FAM78B: variants seen among roughly 807,000 people sequenced by gnomAD.
The protein encoded by FAM78B is protein FAM78B.
In FAM78B, 10 loss-of-function variants were observed where a neutral mutation model predicts 20.0. The observed-to-expected ratio is 0.50, with a 90% CI of 0.31 to 0.85. FAM78B has a LOEUF of 0.85. Among genes scored for constraint, FAM78B ranks in the 40% least tolerant of loss-of-function variants. FAM78B has a pLI of 0.05. For missense variants in FAM78B, 283 were observed against 345.0 expected (o/e 0.82, Z 1.42); for synonymous variants, 135 against 132.8 (o/e 1.02, Z -0.12).
At chr1:166,142,334 T>C (rs1655309466) in intron 1 of FAM78B, among the ~76,000 whole-genome samples, 1 of 152,108 alleles carries the variant, frequency 6.6e-6, no homozygotes, top group Admixed American at 6.5e-5. Flanking sequence ...GTGCCCTAAG[T>C]CTTCTGGGTG....
intron 1 of FAM78B, among the ~76,000 whole-genome samples, chr1:166,165,468 T>G (rs1046018766): frequency 6.6e-6 from 1 of 152,162 alleles, no homozygotes; most frequent in Admixed American, 6.5e-5. Flanking sequence ...GGTTCGAAAC[T>G]TCAACAGTCG....
At chr1:166,163,620 G>A (rs1268546595) in intron 1 of FAM78B, among the ~76,000 whole-genome samples, 1 of 152,208 alleles carries the variant, frequency 6.6e-6, no homozygotes, top group Non-Finnish European at 1.5e-5. Context: ...ATTGGCTAAA[G>A]TAGACATAAT....
chr1:166,088,230 A>C (rs956247663), intron 1 of FAM78B, among the ~76,000 whole-genome samples: 11 of 152,168 alleles, frequency 7.2e-5, no homozygotes, highest in African/African-American at 2.7e-4. Context: ...CGCTCTTTAG[A>C]TGTTAAATTG....
chr1:166,104,921 A>G (rs1022935986), intron 1 of FAM78B, among the ~76,000 whole-genome samples: 1 of 152,242 alleles, frequency 6.6e-6, no homozygotes, highest in Non-Finnish European at 1.5e-5. Flanking sequence ...AAAAGAACAA[A>G]GCTGGAGGCA....
intron 1 of FAM78B, among the ~76,000 whole-genome samples, chr1:166,079,398 A>G (rs564652344): frequency 4.6e-5 from 7 of 152,218 alleles, no homozygotes; most frequent in South Asian, 2.1e-4. Flanking sequence ...ATACCTCCAG[A>G]GTCTATTCAG....
chr1:166,163,079 T>C (rs1324761097), intron 1 of FAM78B, among the ~76,000 whole-genome samples: 1 of 152,196 alleles, frequency 6.6e-6, no homozygotes, highest in Non-Finnish European at 1.5e-5. Context: ...ATATTCCTTT[T>C]TCTTTGGTGC....
At chr1:166,067,815 A>G (rs1651857622), downstream of FAM78B, among the ~76,000 whole-genome samples, 2 of 152,150 alleles carry the variant, frequency 1.3e-5, no homozygotes, top group South Asian at 2.1e-4. Flanking sequence ...TTTCATAAGC[A>G]CTTTCCCATT....
At chr1:166,156,447 A>G (rs1172822131) in intron 1 of FAM78B, among the ~76,000 whole-genome samples, 1 of 152,154 alleles carries the variant, frequency 6.6e-6, no homozygotes, top group East Asian at 1.9e-4. Flanking sequence ...TGGACTCAGT[A>G]TGGAGGGCAC....
In FAM78B at chr1:166,069,894, C is replaced by A. The variant is rs1651948528; in HGVS notation, c.*347G>T. 1.3e-6 allele frequency: 1 copy of A among 795,272 alleles called. No individual in the cohort carries two copies. Among genetic ancestry groups the A allele is most frequent in the African/African-American group, 1.8e-5 (1 of 54,064 alleles). The allele number at this position is 795,272 out of a possible 1,614,324, so 49.3% of individuals were successfully genotyped here. A position where few individuals can be genotyped will look rare whatever the true frequency, so the allele number is the denominator to read the frequency against. On this transcript the variant is annotated 3_prime_UTR_variant, in exon 2 of 2. Transcript: ENST00000354422. ...GCTGGGAAGCAGCATTTGCCACAGG[C>A]ACTGTTTAATTTCGTTTCCATCCCC...
In FAM78B at chr1:166,166,240, A is replaced by G; in HGVS notation, c.9T>C (p.Cys3=). Residue 3 remains cysteine, a synonymous_variant, in exon 1 of 2, where the codon TGT becomes TGC. Coordinates refer to ENST00000354422, the MANE Select transcript of FAM78B (RefSeq NM_001017961.5). The part of the protein sequence containing the change: MG[C]IQSITCKARI... ...GCGCCTTGCAGGTGATGCTTTGGAT[A>G]CAGCCCATCCTGCAGCCCGGTGCCG... 6.6e-7 allele frequency: 1 copy of G among 1,506,640 alleles called. No homozygotes were observed. Among genetic ancestry groups the G allele is most frequent in the Non-Finnish European group, 8.9e-7 (1 of 1,122,158 alleles). 93.3% of individuals were successfully genotyped at this position (1,506,640 alleles called of 1,614,324 possible).
At chr1:166,094,371 A>C (rs1022869288) in intron 1 of FAM78B, among the ~76,000 whole-genome samples, 1 of 152,202 alleles carries the variant, frequency 6.6e-6, no homozygotes, top group Non-Finnish European at 1.5e-5. Context: ...CCCGTGCTCC[A>C]TGTAGGGCTC....
At chr1:166,074,928 G>T (rs1005755269) in intron 1 of FAM78B, among the ~76,000 whole-genome samples, 18 of 152,194 alleles carry the variant, frequency 1.2e-4, no homozygotes, top group African/African-American at 4.1e-4. Flanking sequence ...TGAAGGAAAT[G>T]GCATATGAAC....
intron 1 of FAM78B, among the ~76,000 whole-genome samples, chr1:166,131,822 C>A (rs539212806): frequency 6.6e-6 from 1 of 152,146 alleles, no homozygotes. Context: ...AAGACCCCAG[C>A]GGCAGGGCTG....
downstream of FAM78B, among the ~76,000 whole-genome samples, chr1:166,056,285 TAGAG>T (rs756989334): frequency 7.6e-5 from 11 of 144,598 alleles, no homozygotes; most frequent in Non-Finnish European, 1.4e-4. Context: ...TGTGCGTGTG[TAGAG>T]AGAGAGAGAG....
intron 1 of FAM78B, among the ~76,000 whole-genome samples, chr1:166,118,265 G>A (rs1654331212): frequency 6.6e-6 from 1 of 152,088 alleles, no homozygotes; most frequent in Non-Finnish European, 1.5e-5. Flanking sequence ...GGAACTTGTC[G>A]AGGAGCTTTC....
At chr1:166,094,871 G>A (rs560304620) in intron 1 of FAM78B, among the ~76,000 whole-genome samples, 121 of 152,290 alleles carry the variant, frequency 7.9e-4, no homozygotes, top group Non-Finnish European at 1.5e-3. Context: ...ATGCTGGAGG[G>A]TTTAGAGCAT....
chr1:166,063,975 T>C (rs1651707655), intron 2 of FAM78B, among the ~76,000 whole-genome samples: 1 of 152,188 alleles, frequency 6.6e-6, no homozygotes, highest in South Asian at 2.1e-4. Flanking sequence ...GGCTTCACAT[T>C]TGTCCTGGTG....
intron 1 of FAM78B, among the ~76,000 whole-genome samples, chr1:166,073,863 AC>A (rs1193300146): frequency 1.3e-5 from 2 of 151,704 alleles, no homozygotes; most frequent in Non-Finnish European, 2.9e-5. Flanking sequence ...CTCTTTCCAC[AC>A]CCTCCCCTAG....
chr1:166,075,397 C>T (rs1652227771), intron 1 of FAM78B, among the ~76,000 whole-genome samples: 1 of 152,090 alleles, frequency 6.6e-6, no homozygotes, highest in Non-Finnish European at 1.5e-5. Flanking sequence ...CAAAAAGAAT[C>T]ACTCAGAAGA....
Sources: gnomAD v4.1 joint callset for allele counts (sites outside exome capture counted in the v4.1 genomes callset) on GRCh38, gnomAD v4.1.1 for gene constraint, MANE v1.5 for transcripts, NCBI Gene and HGNC (gene_info 2026-07-23, HGNC 2026-07-21) for gene names.